Variants in ATP2A3 observed in about 807,000 individuals in gnomAD.
ATP2A3 encodes the protein sarcoplasmic/endoplasmic reticulum calcium ATPase 3.
ATP2A3 carries 61 observed loss-of-function variants against 106.8 expected under a neutral mutation model. The ratio of observed to expected loss-of-function variants is 0.57; its 90% CI spans 0.46 to 0.71. The LOEUF is 0.71. Among genes scored for constraint, ATP2A3 ranks in the 30% least tolerant of loss-of-function variants. ATP2A3 has a pLI of 0.00. For missense variants in ATP2A3, 1,201 were observed against 1,423.5 expected (o/e 0.84, Z 2.52); for synonymous variants, 611 against 609.3 (o/e 1.00, Z -0.04).
chr17:3,935,295 G>T lies in ATP2A3; in HGVS notation c.2525-18C>A. ...TACGTACACTGCGGGGAAGGGAGGA[G>T]ACCGGCTGTAGAGAATGGCGGTGGT... On this transcript the variant is annotated intron_variant, in intron 16 of 20. Coordinates refer to ENST00000397041, the MANE Select transcript of ATP2A3 (RefSeq NM_005173.4). The T allele has an allele frequency of 6.2e-7, 1 of 1,610,514 alleles. No individual in the cohort carries two copies. The highest frequency in any genetic ancestry group is 1.1e-5 in the South Asian group (1 of 91,032).
chr17:3,963,230 C>T (rs955607576), intron 1 of ATP2A3, among the ~76,000 whole-genome samples: 1 of 152,230 alleles, frequency 6.6e-6, no homozygotes, highest in African/African-American at 2.4e-5. Flanking sequence ...GGCTCCAAGT[C>T]CCCAAAGGAT....
Position 3,925,659 on chromosome 17 carries a change from A to G in ATP2A3, c.2981-218T>C, listed in dbSNP as rs2052669610. ...ACGTCCCCCACGCCTCCTTCACTCCACTGTTCCATCAGCACCCCCAAACCC... is the reference window on the plus strand; with the variant it reads ...ACGTCCCCCACGCCTCCTTCACTCCGCTGTTCCATCAGCACCCCCAAACCC... On this transcript the variant is annotated intron_variant, in intron 20 of 20. Coordinates refer to ENST00000397041, the MANE Select transcript of ATP2A3 (RefSeq NM_005173.4). This position sits in a 1 kb window ranked among gnomAD's most constrained non-coding sequence, Gnocchi z 4.2. Among the ~76,000 whole-genome samples the G allele has an allele frequency of 7.8e-6, 1 of 127,680 alleles. No homozygotes were observed. Among genetic ancestry groups the G allele is most frequent in the Non-Finnish European group, 1.7e-5 (1 of 60,538 alleles). The allele number at this position is 127,680 out of a possible 152,430, so 83.8% of individuals were successfully genotyped here.
rs1203813815 is a variant in ATP2A3 at position 3,923,886 on chromosome 17, A to G, written c.*1536T>C. The G allele has an allele frequency of 1.3e-5, 2 of 152,290 alleles. No homozygotes were observed. The highest frequency in any genetic ancestry group is 4.8e-5 in the African/African-American group (2 of 41,440). The allele number at this position is 152,290 out of a possible 1,614,324, so 9.4% of individuals were successfully genotyped here. ...GAGGATCCTCCGTTCCCCCAGTCAC[A>G]CAACCTTTATTTCTCTACCAAACAG... On this transcript the variant is annotated 3_prime_UTR_variant, in exon 21 of 21. Transcript: ENST00000397041.
intron 16 of ATP2A3, 21 bp from the exon 17 acceptor site, chr17:3,935,298 C>G (rs767860916): frequency 1.9e-6 from 3 of 1,608,882 alleles, no homozygotes; most frequent in Admixed American, 3.3e-5. Flanking sequence ...GGGAGGAGAC[C>G]GGCTGTAGAG....
chr17:3,962,599 C>G (rs909430615), intron 1 of ATP2A3, among the ~76,000 whole-genome samples: 4 of 152,160 alleles, frequency 2.6e-5, no homozygotes, highest in African/African-American at 9.7e-5. Flanking sequence ...CAGGTGTGCG[C>G]TGGCCAGGGC....
chr17:3,961,155 C>T (rs1357589591), intron 1 of ATP2A3, among the ~76,000 whole-genome samples: 2 of 152,206 alleles, frequency 1.3e-5, no homozygotes, highest in Non-Finnish European at 2.9e-5. Flanking sequence ...CACGGACTGT[C>T]TTGGGAAGAA....
intron 14 of ATP2A3, among the ~76,000 whole-genome samples, chr17:3,938,728 G>C (rs991665125): frequency 7.2e-5 from 11 of 151,982 alleles, no homozygotes; most frequent in African/African-American, 2.7e-4. Flanking sequence ...GTGGAGACAG[G>C]GTTTCACCAT....
chr17:3,936,289 G>T lies in ATP2A3; in HGVS notation c.2502C>A (p.Phe834Leu). The change falls in exon 16 of 21, where the codon TTC becomes TTA. Residue 834 changes from phenylalanine to leucine, a missense_variant. Around this residue, in one of 2 missense-constraint regions of ATP2A3, gnomAD observed 935 missense variants for 1,176.7 expected, o/e 0.79. Transcript: ENST00000397041. The surrounding 1 kb of genome is among the most constrained non-coding windows in gnomAD (Gnocchi z 5.4). ...CACCTCCGATAGCCAGGTATCGGAA[G>T]AAGAGCCAGCCACTGATGAGGGCTT... ...PREALISGWL[F>L]FRYLAIGVYV... 1 of 1,614,064 alleles carries T rather than the reference G, an allele frequency of 6.2e-7. No individual in the cohort carries two copies. Among genetic ancestry groups the T allele is most frequent in the Non-Finnish European group, 8.5e-7 (1 of 1,180,012 alleles).
At chr17:3,961,294 G>A (rs2055122387) in intron 1 of ATP2A3, among the ~76,000 whole-genome samples, 1 of 152,340 alleles carries the variant, frequency 6.6e-6, no homozygotes, top group South Asian at 2.1e-4. Flanking sequence ...AGATGTACAA[G>A]TAAAAGCCCC....
intron 17 of ATP2A3, among the ~76,000 whole-genome samples, chr17:3,933,009 C>T (rs984025242): frequency 1.3e-4 from 20 of 151,834 alleles, no homozygotes; most frequent in East Asian, 1.2e-3. Flanking sequence ...CGGCCGGGCA[C>T]GGTGGCTCAC....
intron 14 of ATP2A3, among the ~76,000 whole-genome samples, chr17:3,940,427 A>T (rs2053694307): frequency 6.6e-6 from 1 of 152,248 alleles, no homozygotes; most frequent in Non-Finnish European, 1.5e-5. Context: ...ATGGACAGGT[A>T]TGTGATAAAG....
chr17:3,943,042 C>T (rs1453948699), intron 11 of ATP2A3, among the ~76,000 whole-genome samples: 1 of 152,202 alleles, frequency 6.6e-6, no homozygotes, highest in Non-Finnish European at 1.5e-5. Context: ...AATCCCAGCA[C>T]TCTGGGAGGC....
At chr17:3,944,554 C>T in intron 10 of ATP2A3, 150 bp downstream of exon 10, 1 of 760,724 alleles carries the variant, frequency 1.3e-6, no homozygotes, top group Non-Finnish European at 2.3e-6. Flanking sequence ...GGAGGGGCGG[C>T]AGAGAGGGGT....
At chr17:3,950,656 G>A (rs367638308) in intron 6 of ATP2A3, 37 bp downstream of exon 6, 2 of 1,613,402 alleles carry the variant, frequency 1.2e-6, no homozygotes, top group Non-Finnish European at 1.7e-6. Flanking sequence ...CCTTAGTCCT[G>A]GCCCACTAGG....
Position 3,936,165 on chromosome 17 carries a change from C to A in ATP2A3, c.2524+102G>T. ...ATTACATGAGCTCATACAGTTTCTA[C>A]TGGCACAAGCCAGGCTGAGTCACAC... On this transcript the variant is annotated intron_variant, in intron 16 of 20. Transcript: ENST00000397041. This position sits in a 1 kb window ranked among gnomAD's most constrained non-coding sequence, Gnocchi z 5.4. 6.9e-7 allele frequency: 1 copy of A among 1,453,448 alleles called. No individual in the cohort carries two copies. Among genetic ancestry groups the A allele is most frequent in the Non-Finnish European group, 9.6e-7 (1 of 1,036,788 alleles). 90.0% of individuals were successfully genotyped at this position (1,453,448 alleles called of 1,614,324 possible). A position where few individuals can be genotyped will look rare whatever the true frequency, so the allele number is the denominator to read the frequency against.
At chr17:3,957,303 T>C (rs1386159558) in intron 1 of ATP2A3, among the ~76,000 whole-genome samples, 1 of 152,234 alleles carries the variant, frequency 6.6e-6, no homozygotes, top group Non-Finnish European at 1.5e-5. Context: ...GGGAAGGGTT[T>C]TGAGCTCAGG....
rs776411581 is a variant in ATP2A3, at chr17:3,941,416, G to T, written c.1764+20C>A. 6.2e-7 allele frequency: 1 copy of T among 1,613,708 alleles called. No homozygotes were observed. ...CTGCACCCACCTCGTACTGCAGGGA[G>T]AATCGGCTCCTGCACCCACCTCGTA... On this transcript the variant is annotated intron_variant, in intron 13 of 20. Transcript: ENST00000397041.
chr17:3,939,949 G>A (rs2053653082), intron 14 of ATP2A3, among the ~76,000 whole-genome samples: 1 of 150,186 alleles, frequency 6.7e-6, no homozygotes, highest in African/African-American at 2.4e-5. Flanking sequence ...ACCGAAAACA[G>A]TGATCGCCTG....
At chr17:3,937,984 G>T (rs1471127297) in intron 14 of ATP2A3, among the ~76,000 whole-genome samples, 2 of 152,188 alleles carry the variant, frequency 1.3e-5, no homozygotes, top group Admixed American at 1.3e-4. Context: ...GAAAGCTGAG[G>T]TCAAGTCAGG....
Sources: gnomAD v4.1 joint callset for allele counts (sites outside exome capture counted in the v4.1 genomes callset) on GRCh38, gnomAD v4.1.1 for gene constraint, gnomAD v4.1.1 regional missense constraint, Gnocchi (gnomAD v3.1) non-coding constraint, MANE v1.5 for transcripts, NCBI Gene and HGNC (gene_info 2026-07-23, HGNC 2026-07-21) for gene names.